Variants in PPP2R2B observed in about 807,000 individuals in gnomAD.
PPP2R2B encodes serine/threonine-protein phosphatase 2A 55 kDa regulatory subunit B beta isoform.
PPP2R2B carries 5 observed loss-of-function variants against 46.0 expected under a neutral mutation model. The ratio of observed to expected loss-of-function variants is 0.11; its 90% CI spans 0.06 to 0.23. The LOEUF (loss-of-function observed/expected upper bound fraction) is 0.23. Among genes scored for constraint, PPP2R2B ranks in the 10% least tolerant of loss-of-function variants. The probability of loss-of-function intolerance (pLI) is 1.00; values close to 1 mark genes in which losing one functional copy is unlikely to be tolerated. For synonymous variants in PPP2R2B, 215 were observed against 206.7 expected (o/e 1.04, Z -0.34); for missense variants, 367 against 575.0 (o/e 0.64, Z 3.70).
intron 7 of PPP2R2B, among the ~76,000 whole-genome samples, chr5:146,631,915 T>C (rs1382731297): frequency 6.6e-6 from 1 of 152,148 alleles, no homozygotes. Flanking sequence ...TTTCCACTCT[T>C]ACCTCCTGGA....
chr5:147,027,670 G>A (rs1245607431), intron 1 of PPP2R2B, among the ~76,000 whole-genome samples: 1 of 151,400 alleles, frequency 6.6e-6, no homozygotes, highest in Non-Finnish European at 1.5e-5. Context: ...GGATGGCTAA[G>A]GAGATTCACT....
intron 5 of PPP2R2B, among the ~76,000 whole-genome samples, chr5:146,651,814 G>A (rs1177651166): frequency 1.3e-5 from 2 of 152,202 alleles, no homozygotes; most frequent in African/African-American, 2.4e-5. Flanking sequence ...CAACCCAGGT[G>A]GCGAGGAGAA....
intron 2 of PPP2R2B, among the ~76,000 whole-genome samples, chr5:146,745,814 C>T (rs995831429): frequency 3.3e-5 from 5 of 152,046 alleles, no homozygotes; most frequent in African/African-American, 1.2e-4. Flanking sequence ...AAAAATCAGC[C>T]AGGCATGGTG....
At chr5:146,822,601 T>G (rs1052904277) in intron 2 of PPP2R2B, among the ~76,000 whole-genome samples, 1 of 151,844 alleles carries the variant, frequency 6.6e-6, no homozygotes, top group Non-Finnish European at 1.5e-5. Flanking sequence ...ATATATTTGT[T>G]TACCACCCAC....
intron 6 of PPP2R2B, among the ~76,000 whole-genome samples, chr5:146,649,716 C>T (rs375791606): frequency 1.6e-4 from 25 of 152,278 alleles, no homozygotes; most frequent in South Asian, 1.0e-3. Flanking sequence ...TCCCAAAGTG[C>T]TGGGATTATA....
intron 1 of PPP2R2B, among the ~76,000 whole-genome samples, chr5:146,938,305 T>C (rs191135794): frequency 2.7e-4 from 41 of 152,308 alleles, no homozygotes; most frequent in Non-Finnish European, 2.9e-4. Context: ...TGCATGGTGA[T>C]GATATTAACT....
At chr5:146,764,782 TA>T (rs879803150) in intron 2 of PPP2R2B, among the ~76,000 whole-genome samples, 29 of 148,876 alleles carry the variant, frequency 1.9e-4, no homozygotes, top group Non-Finnish European at 3.7e-4. Flanking sequence ...GATGTCTCTT[TA>T]TGGAACATCT....
intron 2 of PPP2R2B, among the ~76,000 whole-genome samples, chr5:146,780,413 T>C (rs1399407497): frequency 1.3e-5 from 2 of 152,226 alleles, no homozygotes; most frequent in African/African-American, 4.8e-5. Context: ...AATGCCTCCA[T>C]CCAGGCCCTG....
chr5:147,012,059 C>T (rs1346937549), intron 1 of PPP2R2B, among the ~76,000 whole-genome samples: 1 of 150,220 alleles, frequency 6.7e-6, no homozygotes, highest in Admixed American at 6.7e-5. Flanking sequence ...TGTGTCTCTG[C>T]CTGGCTTTGG....
At chr5:146,733,783 A>T (rs1285187209) in intron 2 of PPP2R2B, among the ~76,000 whole-genome samples, 1 of 152,218 alleles carries the variant, frequency 6.6e-6, no homozygotes, top group Non-Finnish European at 1.5e-5. Flanking sequence ...GGGTGAATTC[A>T]GCTTACCAGG....
intron 2 of PPP2R2B, 150 bp downstream of exon 2, chr5:146,877,852 G>T: frequency 1.1e-6 from 1 of 885,134 alleles, no homozygotes; most frequent in Non-Finnish European, 1.7e-6. Flanking sequence ...GATGCGAGGT[G>T]CACTGGGGCT....
At chr5:146,940,545 A>G (rs1764290905) in intron 1 of PPP2R2B, among the ~76,000 whole-genome samples, 1 of 150,236 alleles carries the variant, frequency 6.7e-6, no homozygotes, top group South Asian at 2.1e-4. Flanking sequence ...CTGCCCAAGG[A>G]GAACATATCT....
chr5:146,766,261 C>T (rs1009855516), intron 2 of PPP2R2B, among the ~76,000 whole-genome samples: 4 of 151,936 alleles, frequency 2.6e-5, no homozygotes, highest in African/African-American at 9.7e-5. Context: ...ATTCTTCCCA[C>T]AAAAATTTAT....
At chr5:147,055,672 G>A (rs1757051590) in exon 1 of PPP2R2B, 8 of 1,610,284 alleles carry the variant, frequency 5.0e-6, no homozygotes, top group African/African-American at 1.3e-5. Context: ...TACCTTCTGT[G>A]TGGCAGCTGG....
chr5:146,670,234 G>T (rs1365633360), intron 5 of PPP2R2B, among the ~76,000 whole-genome samples: 2 of 152,018 alleles, frequency 1.3e-5, no homozygotes, highest in African/African-American at 4.8e-5. Flanking sequence ...AACAAAATCA[G>T]ATTTTTCTCA....
At chr5:146,687,693 T>C (rs1248081763) in intron 5 of PPP2R2B, among the ~76,000 whole-genome samples, 1 of 152,204 alleles carries the variant, frequency 6.6e-6, no homozygotes, top group Non-Finnish European at 1.5e-5. Flanking sequence ...TTCATAGACA[T>C]GCTTCTCATG....
At chr5:146,862,115 C>T (rs1224978573) in intron 2 of PPP2R2B, among the ~76,000 whole-genome samples, 1 of 152,138 alleles carries the variant, frequency 6.6e-6, no homozygotes, top group African/African-American at 2.4e-5. Flanking sequence ...AATCTCAGAT[C>T]ACATCTTTTG....
intron 1 of PPP2R2B, among the ~76,000 whole-genome samples, chr5:146,890,373 A>G (rs1012811440): frequency 5.3e-5 from 8 of 152,130 alleles, no homozygotes; most frequent in Non-Finnish European, 1.0e-4. Flanking sequence ...ATCTTTAACC[A>G]GTTCTATTAT....
At chr5:146,737,689 C>A (rs1752621429) in intron 2 of PPP2R2B, among the ~76,000 whole-genome samples, 1 of 152,050 alleles carries the variant, frequency 6.6e-6, no homozygotes, top group Non-Finnish European at 1.5e-5. Context: ...AGCCTTTCAT[C>A]CCAGTGAAAA....
Sources: gnomAD v4.1 joint callset for allele counts (sites outside exome capture counted in the v4.1 genomes callset) on GRCh38, gnomAD v4.1.1 for gene constraint, MANE v1.5 for transcripts, NCBI Gene and HGNC (gene_info 2026-07-23, HGNC 2026-07-21) for gene names.